The following PTTG1 variants were observed in gnomAD, a reference collection of about 807,000 sequenced individuals.
The protein encoded by PTTG1 is PTTG1 regulator of sister chromatid separation, securin.
Under a neutral mutation model 20.0 loss-of-function variants are expected in PTTG1, and 8 were observed. That is an observed-to-expected ratio of 0.40 (90% confidence interval 0.23 to 0.72). The LOEUF (loss-of-function observed/expected upper bound fraction) is 0.72, where lower values mean the gene tolerates loss of function less well. PTTG1 is among the 30% of genes least tolerant of loss of function. The probability of loss-of-function intolerance (pLI) is 0.38; values close to 1 mark genes in which losing one functional copy is unlikely to be tolerated. For missense variants in PTTG1, 197 were observed against 236.0 expected (o/e 0.83, Z 1.08); for synonymous variants, 79 against 87.2 (o/e 0.91, Z 0.52).
rs1765768752 is a variant in PTTG1 at position 160,424,243 on chromosome 5, G to A, written c.283G>A (p.Glu95Lys). ...QPSFSAKKMTEKTVKAKSSVP... is the reference protein window; with the variant it reads ...QPSFSAKKMTKKTVKAKSSVP... ...TTTTCTTTGGCTGTTCTAGATGACTGAGAAGACTGTTAAAGCAAAAAGCTC... is the reference window on the plus strand; with the variant it reads ...TTTTCTTTGGCTGTTCTAGATGACTAAGAAGACTGTTAAAGCAAAAAGCTC... Residue 95 changes from glutamate to lysine, a missense_variant, in exon 4 of 6, where the codon GAG becomes AAG. Physicochemically the swap from Glu to Lys is moderately conservative, Grantham distance 56. Transcript: ENST00000352433. 6 of 1,608,480 alleles carry A rather than the reference G, an allele frequency of 3.7e-6. No homozygotes were observed. The highest frequency in any genetic ancestry group is 5.1e-6 in the Non-Finnish European group (6 of 1,175,614).
chr5:160,422,202 T>C lies in PTTG1; in HGVS notation c.-11-100T>C, dbSNP rs528953816. On this transcript the variant is annotated intron_variant, in intron 1 of 5. Coordinates refer to ENST00000352433, the MANE Select transcript of PTTG1 (RefSeq NM_004219.4). The stretch of plus-strand genomic sequence containing the variant: ...TGACTGTTCCGCTGTTTAGCTCTTG[T>C]TTTTTGTGTGGACACTCCTAGGATA... 98 of 818,666 alleles carry C rather than the reference T, an allele frequency of 1.2e-4. 1 individual carries two copies. In the African/African-American group the frequency reaches 1.5e-3, roughly 13 times the overall value. The allele number at this position is 818,666 out of a possible 1,614,324, so 50.7% of individuals were successfully genotyped here. A position where few individuals can be genotyped will look rare whatever the true frequency, so the allele number is the denominator to read the frequency against.
At chr5:160,427,578 A>G in intron 4 of PTTG1, 137 bp from the exon 5 acceptor site, 1 of 977,568 alleles carries the variant, frequency 1.0e-6, no homozygotes, top group Non-Finnish European at 1.5e-6. Flanking sequence ...ATGTCAACCC[A>G]GTGGAAAAAG....
chr5:160,425,323 T>C (rs1331041168), intron 4 of PTTG1, among the ~76,000 whole-genome samples: 1 of 152,186 alleles, frequency 6.6e-6, no homozygotes. Flanking sequence ...TTTAAAATTA[T>C]AAAATGTGGT....
chr5:160,425,630 C>CT (rs1194391719), intron 4 of PTTG1, among the ~76,000 whole-genome samples: 3 of 152,208 alleles, frequency 2.0e-5, no homozygotes, highest in East Asian at 1.9e-4. Flanking sequence ...TACAGTTTTT[C>CT]TTTTTTTATT....
At chr5:160,426,443 A>G (rs1765810536) in intron 4 of PTTG1, among the ~76,000 whole-genome samples, 1 of 152,188 alleles carries the variant, frequency 6.6e-6, no homozygotes, top group African/African-American at 2.4e-5. Flanking sequence ...TTTTGCCACT[A>G]CACTAAAACC....
chr5:160,422,747 C>T lies in PTTG1; in HGVS notation c.130C>T (p.Pro44Ser). The T allele has an allele frequency of 6.2e-7, 1 of 1,614,108 alleles. No individual in the cohort carries two copies. Among genetic ancestry groups the T allele is most frequent in the South Asian group, 1.1e-5 (1 of 91,084 alleles). The change falls in exon 3 of 6, where the codon CCA becomes TCA. Residue 44 changes from proline to serine, a missense_variant. Transcript: ENST00000352433. ...AGATGGGAGATCTCAAGTTTCAACACCACGTTTTGGCAAAACGTTCGATGC... is the reference window on the plus strand; with the variant it reads ...AGATGGGAGATCTCAAGTTTCAACATCACGTTTTGGCAAAACGTTCGATGC... ...ALDGRSQVSTPRFGKTFDAPP... is the reference protein window; with the variant it reads ...ALDGRSQVSTSRFGKTFDAPP...
At position 160,427,820 on chromosome 5, in the gene PTTG1, T is replaced by C; in HGVS notation, c.476T>C (p.Phe159Ser). Reference sequence around the variant, plus strand: ...GAGGAGAGAGAGCTTGAAAAGCTGTTTCAGCTGGGCCCCCCTTCACCTGTG... The same window carrying C: ...GAGGAGAGAGAGCTTGAAAAGCTGTCTCAGCTGGGCCCCCCTTCACCTGTG... Reference protein sequence around the residue: ...LDEERELEKLFQLGPPSPVKM... With the variant: ...LDEERELEKLSQLGPPSPVKM... Residue 159 changes from phenylalanine to serine, a missense_variant, in exon 5 of 6, where the codon TTT (phenylalanine) becomes TCT (serine). By Grantham distance (155) the Phe-to-Ser change is radical (BLOSUM62 -2). Transcript: ENST00000352433. 2 of 1,614,154 alleles carry C rather than the reference T, an allele frequency of 1.2e-6. No homozygotes were observed. The highest frequency in any genetic ancestry group is 1.7e-6 in the Non-Finnish European group (2 of 1,180,024).
chr5:160,422,085 G>A, intron 1 of PTTG1, 194 bp downstream of exon 1: 1 of 480,062 alleles, frequency 2.1e-6, no homozygotes, highest in Non-Finnish European at 3.8e-6. Flanking sequence ...ATGAGTGCCA[G>A]CCCCAAACCG....
At chr5:160,423,452 C>A (rs1200973608) in intron 3 of PTTG1, among the ~76,000 whole-genome samples, 1 of 152,208 alleles carries the variant, frequency 6.6e-6, no homozygotes, top group East Asian at 1.9e-4. Flanking sequence ...TGTGGATTAA[C>A]ACTTTATTTG....
At chr5:160,422,234 T>G in intron 1 of PTTG1, 68 bp from the exon 2 acceptor site, 2 of 1,146,940 alleles carry the variant, frequency 1.7e-6, no homozygotes, top group South Asian at 2.5e-5. Flanking sequence ...GATAGAAAGT[T>G]TGGTATGTTG....
At chr5:160,428,547 T>C in intron 5 of PTTG1, 55 bp from the exon 6 acceptor site, 1 of 1,470,678 alleles carries the variant, frequency 6.8e-7, no homozygotes, top group Non-Finnish European at 9.5e-7. Context: ...TATGTTGATA[T>C]GGACAATGAC....
chr5:160,422,267 T>G (rs1365384194), intron 1 of PTTG1, 35 bp from the exon 2 acceptor site: 1 of 1,515,290 alleles, frequency 6.6e-7, no homozygotes, highest in Admixed American at 1.7e-5. Context: ...TTCTCCCACC[T>G]TCCCCAATAT....
chr5:160,427,710 AAC>A lies in PTTG1; in HGVS notation c.371-3_371-2del. ...CCTGACAAAAACGCTTTCTCTCTGT[AAC>A]AGACTTTGAGAGTTTTGACCTGCCT... On this transcript the variant is annotated splice_region_variant and splice_polypyrimidine_tract_variant and intron_variant, in intron 4 of 5. Transcript: ENST00000352433. The A allele has an allele frequency of 6.2e-7, 1 of 1,613,716 alleles. No homozygotes were observed. Among genetic ancestry groups the A allele is most frequent in the Non-Finnish European group, 8.5e-7 (1 of 1,179,730 alleles).
rs1243369923 is a variant in PTTG1 at position 160,428,635 on chromosome 5, C to T, written c.563C>T (p.Thr188Ile). ...LLQSPSSILS[T>I]LDVELPPVCC... ...CAGTCTCCTTCAAGCATTCTGTCGA[C>T]CCTGGATGTTGAATTGCCACCTGTT... is the stretch of plus-strand genomic sequence containing the variant. Residue 188 changes from threonine to isoleucine, a missense_variant, in exon 6 of 6, where the codon ACC (threonine) becomes ATC (isoleucine). Transcript: ENST00000352433. 2 of 1,613,912 alleles carry T rather than the reference C, an allele frequency of 1.2e-6. No individual in the cohort carries two copies. The highest frequency in any genetic ancestry group is 2.7e-5 in the African/African-American group (2 of 74,898).
At chr5:160,428,020 T>A in intron 5 of PTTG1, 147 bp downstream of exon 5, 3 of 1,057,968 alleles carry the variant, frequency 2.8e-6, no homozygotes, top group East Asian at 5.2e-5. Context: ...AAAAATAAAC[T>A]ATTCTCGATT....
intron 5 of PTTG1, among the ~76,000 whole-genome samples, chr5:160,428,337 T>C (rs990750107): frequency 3.9e-5 from 6 of 152,254 alleles, no homozygotes; most frequent in Non-Finnish European, 8.8e-5. Context: ...TAATTTGTCC[T>C]AATAAGTTAC....
At chr5:160,422,642 A>C in intron 2 of PTTG1, 67 bp from the exon 3 acceptor site, 2 of 1,570,382 alleles carry the variant, frequency 1.3e-6, no homozygotes, top group Non-Finnish European at 1.8e-6. Context: ...AAGTTTATAT[A>C]CACAGTATTT....
chr5:160,422,496 G>A (rs1765733461), intron 2 of PTTG1, 93 bp downstream of exon 2: 2 of 1,194,936 alleles, frequency 1.7e-6, no homozygotes, highest in Non-Finnish European at 2.5e-6. Context: ...GGCAATTGGA[G>A]TCGTTTGTTA....
chr5:160,424,165 G>T, intron 3 of PTTG1, 72 bp from the exon 4 acceptor site: 1 of 1,125,558 alleles, frequency 8.9e-7, no homozygotes, highest in South Asian at 1.5e-5. Context: ...GCATGAAATT[G>T]ACAAATTTAA....
Sources: gnomAD v4.1 joint callset for allele counts (sites outside exome capture counted in the v4.1 genomes callset) on GRCh38, gnomAD v4.1.1 for gene constraint, MANE v1.5 for transcripts, NCBI Gene and HGNC (gene_info 2026-07-23, HGNC 2026-07-21) for gene names.